Variants in COPG2 observed in about 807,000 individuals in gnomAD.
The protein encoded by COPG2 is coat protein complex I subunit gamma 2, also known as coatomer subunit gamma-2.
A neutral mutation model predicts 46.3 loss-of-function variants in COPG2; 37 were observed. That is an observed-to-expected ratio of 0.80 (90% CI 0.61 to 1.05). The LOEUF (loss-of-function observed/expected upper bound fraction) is 1.05. COPG2 is among the 50% of genes least tolerant of loss of function. The pLI is 0.00. For synonymous variants in COPG2, 159 were observed against 129.7 expected (o/e 1.23, Z -1.53); for missense variants, 427 against 387.8 (o/e 1.10, Z -0.85).
chr7:130,615,756 CA>C, intron 6 of COPG2, among the ~76,000 whole-genome samples: 1 of 152,220 alleles, frequency 6.6e-6, no homozygotes, highest in South Asian at 2.1e-4. Flanking sequence ...GTTTGGTGGC[CA>C]AGAGTGTACT....
Position 130,534,686 on chromosome 7 carries a change from C to T in COPG2, c.2149+12988G>A, listed in dbSNP as rs1584965683. ...AGAGTGGAGGAAAGGTAGAACAGGA[C>T]GGAGGCCAGAACCTGTGTAAGAAGG... On this transcript the variant is annotated intron_variant, in intron 20 of 23. Transcript: ENST00000425248. Among the ~76,000 whole-genome samples, 7 of 152,116 alleles carry T rather than the reference C, an allele frequency of 4.6e-5. No individual in the cohort carries two copies. The South Asian group carries it at 1.5e-3, about 32-fold the overall frequency.
intron 22 of COPG2, 66 bp downstream of exon 22, chr7:130,507,619 A>G: frequency 1.4e-6 from 1 of 714,938 alleles, no homozygotes; most frequent in Non-Finnish European, 2.6e-6. Context: ...CTTCTGGAGT[A>G]ACAAATATGC....
intron 9 of COPG2, among the ~76,000 whole-genome samples, chr7:130,606,570 A>G (rs565819446): frequency 1.3e-5 from 2 of 152,354 alleles, no homozygotes; most frequent in South Asian, 4.1e-4. Context: ...TGTGAAGCAG[A>G]ACTTGTAAAC....
rs1364386817 is a variant in COPG2 at position 130,536,556 on chromosome 7, C to T, written c.2149+11118G>A. On this transcript the variant is annotated intron_variant, in intron 20 of 23. Transcript: ENST00000425248. ...AAAAGATGCTTCTGATAGGCTTCCT[C>T]GGGGTCCTGCATCCTCGGGTGAGAA... Among the ~76,000 whole-genome samples the T allele has an allele frequency of 2.4e-3, 366 of 152,294 alleles. 1 individual carries two copies. Among genetic ancestry groups the T allele is most frequent in the Non-Finnish European group, 4.2e-3 (287 of 68,004 alleles).
At chr7:130,634,662 C>T (rs1795298834) in intron 5 of COPG2, among the ~76,000 whole-genome samples, 2 of 152,126 alleles carry the variant, frequency 1.3e-5, no homozygotes, top group Non-Finnish European at 2.9e-5. Context: ...CATCTGCAAA[C>T]AGAGACAATC....
chr7:130,528,696 G>C (rs1452780633), intron 20 of COPG2, among the ~76,000 whole-genome samples: 1 of 151,334 alleles, frequency 6.6e-6, no homozygotes, highest in Non-Finnish European at 1.5e-5. Flanking sequence ...GCAACACATG[G>C]GAGAGGAGGA....
At chr7:130,656,564 C>T (rs1795856877) in intron 4 of COPG2, among the ~76,000 whole-genome samples, 1 of 151,910 alleles carries the variant, frequency 6.6e-6, no homozygotes, top group Non-Finnish European at 1.5e-5. Flanking sequence ...GTTAATTAAC[C>T]CCGAAAAGCC....
intron 20 of COPG2, among the ~76,000 whole-genome samples, chr7:130,537,897 A>G (rs2116367203): frequency 6.6e-6 from 1 of 152,290 alleles, no homozygotes; most frequent in African/African-American, 2.4e-5. Context: ...GCACCTTGGA[A>G]ACATTGAGGA....
intron 9 of COPG2, among the ~76,000 whole-genome samples, chr7:130,598,701 A>G (rs1443012835): frequency 2.6e-5 from 4 of 152,234 alleles, no homozygotes; most frequent in Admixed American, 2.6e-4. Flanking sequence ...TTGCGCTGCA[A>G]TAAGCCCCAT....
At chr7:130,593,648 T>C (rs535108792) in intron 9 of COPG2, among the ~76,000 whole-genome samples, 1 of 152,242 alleles carries the variant, frequency 6.6e-6, no homozygotes, top group African/African-American at 2.4e-5. Context: ...ATAACAAAGC[T>C]AATATTGCAC....
chr7:130,594,038 C>T (rs1041126015), intron 9 of COPG2, among the ~76,000 whole-genome samples: 1 of 152,008 alleles, frequency 6.6e-6, no homozygotes, highest in Non-Finnish European at 1.5e-5. Context: ...ATACAATCAA[C>T]ATCGGACTCA....
intron 9 of COPG2, among the ~76,000 whole-genome samples, chr7:130,567,197 G>A (rs1188551345): frequency 6.6e-6 from 1 of 152,128 alleles, no homozygotes; most frequent in African/African-American, 2.4e-5. Flanking sequence ...AACATTGAGT[G>A]CACATGGTCA....
chr7:130,517,334 G>C (rs1221211544), intron 20 of COPG2, among the ~76,000 whole-genome samples: 3 of 152,322 alleles, frequency 2.0e-5, no homozygotes, highest in African/African-American at 7.2e-5. Context: ...TTTAAAAGGG[G>C]AAACTGCTAA....
chr7:130,587,401 T>C (rs186245893), intron 9 of COPG2, among the ~76,000 whole-genome samples: 7 of 152,088 alleles, frequency 4.6e-5, no homozygotes, highest in Admixed American at 3.3e-4. Context: ...CAATATCCAG[T>C]TGGATATTGT....
intron 5 of COPG2, among the ~76,000 whole-genome samples, chr7:130,636,374 G>A (rs1310263315): frequency 6.6e-6 from 1 of 152,106 alleles, no homozygotes; most frequent in African/African-American, 2.4e-5. Context: ...CTTGCTTTAT[G>A]AATCTGGGTG....
chr7:130,657,266 A>C (rs1554460025), intron 4 of COPG2, among the ~76,000 whole-genome samples: 1 of 152,058 alleles, frequency 6.6e-6, no homozygotes, highest in Non-Finnish European at 1.5e-5. Context: ...TGGATATTCA[A>C]TTGTTCCAGA....
intron 20 of COPG2, among the ~76,000 whole-genome samples, chr7:130,517,928 T>C (rs910769968): frequency 1.7e-5 from 2 of 114,898 alleles, no homozygotes; most frequent in African/African-American, 2.6e-5. Flanking sequence ...ATGTGTGTTG[T>C]TGAAGATTGC....
chr7:130,582,297 T>G (rs1262594411), intron 9 of COPG2, among the ~76,000 whole-genome samples: 3 of 147,022 alleles, frequency 2.0e-5, no homozygotes, highest in African/African-American at 7.5e-5. Flanking sequence ...TAGCCATATG[T>G]AGAAAGCTGA....
chr7:130,557,120 G>A (rs1162689686), intron 12 of COPG2, among the ~76,000 whole-genome samples: 1 of 152,000 alleles, frequency 6.6e-6, no homozygotes, highest in Non-Finnish European at 1.5e-5. Context: ...AAACCCTAGA[G>A]AATGAATAAT....
Sources: allele counts gnomAD v4.1 joint callset (sites outside exome capture counted in the v4.1 genomes callset), GRCh38; gene constraint gnomAD v4.1.1; transcripts MANE v1.5; gene names NCBI Gene and HGNC (gene_info 2026-07-23, HGNC 2026-07-21).